Variants in TBCK observed in about 807,000 individuals in gnomAD.
TBCK encodes the protein TBC1 domain containing kinase, also known as TBC domain-containing protein kinase-like protein.
Under a neutral mutation model 113.4 loss-of-function variants are expected in TBCK, and 99 were observed. The observed-to-expected ratio is 0.87, with a 90% confidence interval of 0.74 to 1.03. The LOEUF (loss-of-function observed/expected upper bound fraction) is 1.03, where lower values mean the gene tolerates loss of function less well. TBCK is among the 50% of genes least tolerant of loss of function. The pLI, the probability that TBCK is intolerant of heterozygous loss-of-function variation, is 0.00. For missense variants in TBCK, 1,045 were observed against 1,061.3 expected (o/e 0.98, Z 0.21); for synonymous variants, 369 against 370.8 (o/e 1.00, Z 0.05).
At chr4:106,176,943 G>T (rs760954760) in intron 22 of TBCK, among the ~76,000 whole-genome samples, 2 of 148,484 alleles carry the variant, frequency 1.3e-5, no homozygotes, top group Non-Finnish European at 3.0e-5. Flanking sequence ...TCATATACTT[G>T]TTGGCCATTT....
chr4:106,084,082 T>C (rs987156258), intron 25 of TBCK, among the ~76,000 whole-genome samples: 1 of 151,856 alleles, frequency 6.6e-6, no homozygotes, highest in African/African-American at 2.4e-5. Context: ...GGATGGAGGA[T>C]CAAATGGACA....
At chr4:106,158,850 T>C (rs991753456) in intron 23 of TBCK, among the ~76,000 whole-genome samples, 3 of 152,054 alleles carry the variant, frequency 2.0e-5, no homozygotes, top group South Asian at 2.1e-4. Context: ...AAAAACGGAA[T>C]ACTAAAGACA....
At chr4:106,189,196 G>C (rs759876279) in intron 22 of TBCK, among the ~76,000 whole-genome samples, 3 of 151,918 alleles carry the variant, frequency 2.0e-5, no homozygotes, top group Non-Finnish European at 4.4e-5. Flanking sequence ...GGGTGGGGGA[G>C]AGAAGGACCA....
intron 22 of TBCK, among the ~76,000 whole-genome samples, chr4:106,176,893 A>G (rs1310935937): frequency 6.7e-6 from 1 of 150,164 alleles, no homozygotes; most frequent in African/African-American, 2.4e-5. Context: ...TGGGGTTTTG[A>G]TTTGCATTTC....
chr4:106,078,910 A>T (rs1032834375), intron 25 of TBCK, among the ~76,000 whole-genome samples: 1 of 152,214 alleles, frequency 6.6e-6, no homozygotes, highest in Non-Finnish European at 1.5e-5. Flanking sequence ...AACCAAATCC[A>T]GCAGTGCATC....
chr4:106,112,997 C>G (rs993697826), intron 24 of TBCK, among the ~76,000 whole-genome samples: 8 of 152,174 alleles, frequency 5.3e-5, no homozygotes, highest in African/African-American at 1.4e-4. Context: ...TGGCAAACAC[C>G]ATGTTACACA....
rs149954464 is a variant in TBCK, at chr4:106,241,045, A to G, written c.1170+1425T>C. ...TTGATTTTGCTAATAGATCATATCA[A>G]TGCTTGATGTAGGTGGTAAGTTGTT... is the stretch of plus-strand genomic sequence containing the variant. On this transcript the variant is annotated intron_variant, in intron 12 of 25. Coordinates refer to ENST00000394708, the MANE Select transcript of TBCK (RefSeq NM_001163435.3). Among the ~76,000 whole-genome samples the G allele has an allele frequency of 5.3e-3, 806 of 152,138 alleles. 4 individuals carry two copies. Among genetic ancestry groups the G allele is most frequent in the Non-Finnish European group, 9.1e-3 (617 of 67,910 alleles).
chr4:106,117,940 C>T (rs1282818448), intron 23 of TBCK, among the ~76,000 whole-genome samples: 6 of 150,356 alleles, frequency 4.0e-5, no homozygotes, highest in Admixed American at 2.0e-4. Flanking sequence ...ACCCGGGAGG[C>T]GGAGCTTGCA....
Position 106,083,753 on chromosome 4 carries a change from C to T in TBCK, c.2571+11729G>A, listed in dbSNP as rs530093821. Among the ~76,000 whole-genome samples the T allele has an allele frequency of 2.6e-5, 4 of 152,254 alleles. No individual in the cohort carries two copies. The South Asian group carries it at 8.3e-4, about 32-fold the overall frequency. ...GGAGCAGGCACCCATCTTTGCTGGT[C>T]TCCAGCCTCCTTGAGTGACATCTCC... On this transcript the variant is annotated intron_variant, in intron 25 of 25. Coordinates refer to ENST00000394708, the MANE Select transcript of TBCK (RefSeq NM_001163435.3).
chr4:106,195,358 T>C (rs1024031662), intron 20 of TBCK, among the ~76,000 whole-genome samples: 2 of 152,100 alleles, frequency 1.3e-5, no homozygotes, highest in African/African-American at 4.8e-5. Flanking sequence ...CCAAATGCAA[T>C]GCTGGTATAC....
At chr4:106,271,823 A>G (rs934601545) in intron 3 of TBCK, among the ~76,000 whole-genome samples, 15 of 152,016 alleles carry the variant, frequency 9.9e-5, no homozygotes, top group Non-Finnish European at 2.1e-4. Context: ...ATATTGTTCT[A>G]CAAAGAGCAC....
intron 24 of TBCK, among the ~76,000 whole-genome samples, chr4:106,115,036 C>T (rs907146234): frequency 1.3e-5 from 2 of 152,132 alleles, no homozygotes; most frequent in African/African-American, 4.8e-5. Flanking sequence ...AAGAATATAT[C>T]ATTTGAAATT....
chr4:106,214,109 C>CT (rs1208909035), intron 19 of TBCK, among the ~76,000 whole-genome samples: 3 of 152,160 alleles, frequency 2.0e-5, no homozygotes, highest in Non-Finnish European at 4.4e-5. Context: ...CAGGGGCACA[C>CT]TGACACCTCA....
At chr4:106,251,765 T>C (rs1023420790) in intron 6 of TBCK, 101 bp downstream of exon 6, 4 of 1,095,468 alleles carry the variant, frequency 3.7e-6, no homozygotes, top group Non-Finnish European at 3.6e-6. Context: ...TGTAATTAAT[T>C]TGTACAGCAA....
chr4:106,084,075 TGGAG>T (rs1026089923), intron 25 of TBCK, among the ~76,000 whole-genome samples: 1 of 152,170 alleles, frequency 6.6e-6, no homozygotes, highest in Admixed American at 6.5e-5. Flanking sequence ...CAGAACTGGA[TGGAG>T]GATCAAATGG....
intron 3 of TBCK, 56 bp downstream of exon 3, chr4:106,295,038 C>G (rs530026577): frequency 3.5e-6 from 5 of 1,431,540 alleles, no homozygotes; most frequent in Admixed American, 3.9e-5. Flanking sequence ...AAACAAAATG[C>G]CTTTTTGTTT....
At chr4:106,292,957 A>G (rs1342320200) in intron 3 of TBCK, among the ~76,000 whole-genome samples, 1 of 152,228 alleles carries the variant, frequency 6.6e-6, no homozygotes. Context: ...GACATGTTTC[A>G]AACATTAGCA....
At chr4:106,286,473 T>C (rs1399920372) in intron 3 of TBCK, among the ~76,000 whole-genome samples, 2 of 152,200 alleles carry the variant, frequency 1.3e-5, no homozygotes, top group African/African-American at 2.4e-5. Context: ...TTAATCATAC[T>C]GGCAAAGCAA....
chr4:106,150,565 G>C (rs761693257), intron 23 of TBCK, among the ~76,000 whole-genome samples: 1 of 151,964 alleles, frequency 6.6e-6, no homozygotes, highest in Non-Finnish European at 1.5e-5. Context: ...AGAAAATAGA[G>C]TAAAACATTA....
Sources: gnomAD v4.1 joint callset for allele counts (sites outside exome capture counted in the v4.1 genomes callset) on GRCh38, gnomAD v4.1.1 for gene constraint, MANE v1.5 for transcripts, NCBI Gene and HGNC (gene_info 2026-07-23, HGNC 2026-07-21) for gene names.